Variants in KIAA0513 observed in about 807,000 individuals in gnomAD.
The protein encoded by KIAA0513 is uncharacterized protein KIAA0513.
Under a neutral mutation model 56.5 loss-of-function variants are expected in KIAA0513, and 39 were observed. That is an observed-to-expected ratio of 0.69 (90% CI 0.53 to 0.90). The LOEUF (loss-of-function observed/expected upper bound fraction) is 0.90. Ranked by LOEUF, KIAA0513 falls within the 40% of genes least tolerant of loss-of-function variation. The pLI is 0.00. For missense variants in KIAA0513, 591 were observed against 535.2 expected (o/e 1.10, Z -1.03); for synonymous variants, 268 against 215.6 (o/e 1.24, Z -2.13).
At chr16:85,077,760 G>C in intron 6 of KIAA0513, 128 bp downstream of exon 6, 1 of 690,490 alleles carries the variant, frequency 1.4e-6, no homozygotes, top group South Asian at 1.9e-5. Flanking sequence ...GCGCTGCCCA[G>C]CCACTTCTGC....
chr16:85,050,396 C>G (rs1485318255), intron 1 of KIAA0513, among the ~76,000 whole-genome samples: 1 of 150,736 alleles, frequency 6.6e-6, no homozygotes, highest in Non-Finnish European at 1.5e-5. Flanking sequence ...GTCACCCAGA[C>G]TGGAGTGCAG....
intron 1 of KIAA0513, among the ~76,000 whole-genome samples, chr16:85,030,616 G>A (rs1224272743): frequency 1.3e-5 from 2 of 151,888 alleles, no homozygotes; most frequent in African/African-American, 4.8e-5. Context: ...GCATGGTGGC[G>A]GGTACCTGTA....
intron 1 of KIAA0513, among the ~76,000 whole-genome samples, chr16:85,043,356 A>C (rs2073128259): frequency 6.6e-6 from 1 of 151,106 alleles, no homozygotes; most frequent in Non-Finnish European, 1.5e-5. Flanking sequence ...CGTCCTTCTC[A>C]AACAGGGCAT....
intron 1 of KIAA0513, among the ~76,000 whole-genome samples, chr16:85,034,133 C>T (rs530301858): frequency 6.6e-6 from 1 of 152,204 alleles, no homozygotes; most frequent in African/African-American, 2.4e-5. Flanking sequence ...AATCCCAGCA[C>T]TTTGGGAGGC....
intron 7 of KIAA0513, 30 bp downstream of exon 7, chr16:85,078,485 G>T: frequency 1.2e-6 from 2 of 1,608,312 alleles, no homozygotes; most frequent in South Asian, 1.1e-5. Flanking sequence ...AGCAGGAGAC[G>T]CCCAGCCCAC....
chr16:85,052,347 TAGC>T (rs1261103807), intron 1 of KIAA0513, among the ~76,000 whole-genome samples: 2 of 132,480 alleles, frequency 1.5e-5, no homozygotes, highest in African/African-American at 3.1e-5. Context: ...ACAACAACAA[TAGC>T]AACAACAAAA....
chr16:85,071,336 G>A (rs562248523), intron 2 of KIAA0513, among the ~76,000 whole-genome samples: 21 of 152,356 alleles, frequency 1.4e-4, no homozygotes, highest in African/African-American at 5.1e-4. Flanking sequence ...TCAGTATGCT[G>A]AGACAGAGCA....
At chr16:85,039,712 A>G (rs1309173036) in intron 1 of KIAA0513, among the ~76,000 whole-genome samples, 1 of 152,026 alleles carries the variant, frequency 6.6e-6, no homozygotes, top group Non-Finnish European at 1.5e-5. Flanking sequence ...ACCTCAAGTG[A>G]TCCCCCTGCC....
intron 1 of KIAA0513, among the ~76,000 whole-genome samples, chr16:85,041,677 G>C (rs975730720): frequency 1.3e-5 from 2 of 152,178 alleles, no homozygotes; most frequent in Non-Finnish European, 2.9e-5. Flanking sequence ...GACAGCAGCT[G>C]TCCTCTTCAG....
At chr16:85,084,499 G>A (rs559855020) in intron 10 of KIAA0513, among the ~76,000 whole-genome samples, 8 of 145,398 alleles carry the variant, frequency 5.5e-5, no homozygotes, top group Non-Finnish European at 9.0e-5. Context: ...GTGCGATCTC[G>A]GCTCACTGCA....
chr16:85,082,630 T>C, intron 10 of KIAA0513, 37 bp downstream of exon 10: 1 of 1,609,614 alleles, frequency 6.2e-7, no homozygotes, highest in Non-Finnish European at 8.5e-7. Context: ...CATTTTACAG[T>C]GCGGGCTCCT....
intron 1 of KIAA0513, among the ~76,000 whole-genome samples, chr16:85,044,470 C>T (rs1049366448): frequency 2.6e-5 from 4 of 152,054 alleles, no homozygotes; most frequent in African/African-American, 9.7e-5. Context: ...AGTCTCTGTC[C>T]ATCCACCACC....
At chr16:85,049,078 T>C (rs16975153) in intron 1 of KIAA0513, among the ~76,000 whole-genome samples, 61,587 of 152,218 alleles carry the variant, frequency 0.4, 14,018 homozygotes, top group African/African-American at 0.62. Flanking sequence ...ACGGTGGCCA[T>C]GTCCCCTCTG....
At chr16:85,043,613 A>G (rs1442652552) in intron 1 of KIAA0513, among the ~76,000 whole-genome samples, 1 of 151,762 alleles carries the variant, frequency 6.6e-6, no homozygotes, top group Non-Finnish European at 1.5e-5. Context: ...AGATTTCACC[A>G]TATTAGCCAG....
chr16:85,037,384 C>T (rs371959742), intron 1 of KIAA0513, among the ~76,000 whole-genome samples: 9 of 151,974 alleles, frequency 5.9e-5, no homozygotes, highest in African/African-American at 1.9e-4. Context: ...GAACCTAGGA[C>T]GCTAGGATAC....
At chr16:85,057,573 C>G (rs2073347320) in intron 1 of KIAA0513, among the ~76,000 whole-genome samples, 2 of 152,304 alleles carry the variant, frequency 1.3e-5, no homozygotes, top group Non-Finnish European at 1.5e-5. Context: ...GGGCCTGACC[C>G]TGTTCCAGTC....
chr16:85,085,771 A>G (rs563942293), intron 10 of KIAA0513, among the ~76,000 whole-genome samples: 13 of 152,314 alleles, frequency 8.5e-5, no homozygotes, highest in African/African-American at 3.1e-4. Context: ...CAGCAGGTGA[A>G]CGCTCAGAAC....
intron 1 of KIAA0513, among the ~76,000 whole-genome samples, chr16:85,059,775 G>A (rs1012281286): frequency 3.3e-5 from 5 of 152,172 alleles, no homozygotes; most frequent in African/African-American, 4.8e-5. Flanking sequence ...CTTCAGCTTC[G>A]CCCTTCGAGC....
chr16:85,045,568 C>T (rs1043438960), intron 1 of KIAA0513, among the ~76,000 whole-genome samples: 3 of 152,186 alleles, frequency 2.0e-5, no homozygotes, highest in Non-Finnish European at 2.9e-5. Flanking sequence ...GTTGGCCAGA[C>T]TGGTCTCGAA....
Sources: allele counts gnomAD v4.1 joint callset (sites outside exome capture counted in the v4.1 genomes callset), GRCh38; gene constraint gnomAD v4.1.1; transcripts MANE v1.5; gene names NCBI Gene and HGNC (gene_info 2026-07-23, HGNC 2026-07-21).